The following EPHA6 variants were observed in gnomAD, a reference collection of about 807,000 sequenced individuals.
EPHA6 encodes the protein EPH receptor A6.
In EPHA6, 50 loss-of-function variants were observed where a neutral mutation model predicts 112.0. That is an observed-to-expected ratio of 0.45 (90% CI 0.36 to 0.56). EPHA6 has a LOEUF of 0.56. Among genes scored for constraint, EPHA6 ranks in the 20% least tolerant of loss-of-function variants. EPHA6 has a pLI of 0.00. For synonymous variants in EPHA6, 529 were observed against 490.7 expected, an observed-to-expected ratio of 1.08 and a Z score of -1.03; for missense variants, 1,280 against 1,417.4, an observed-to-expected ratio of 0.90 and a Z score of 1.56.
At chr3:97,448,479 A>C in intron 6 of EPHA6, 89 bp from the exon 7 acceptor site, 1 of 1,377,134 alleles carries the variant, frequency 7.3e-7, no homozygotes, top group South Asian at 1.2e-5. Flanking sequence ...TATTCAGAGC[A>C]TAATTTCTCA....
At chr3:96,917,174 A>G (rs1302338856) in intron 2 of EPHA6, among the ~76,000 whole-genome samples, 1 of 152,052 alleles carries the variant, frequency 6.6e-6, no homozygotes, top group Non-Finnish European at 1.5e-5. Flanking sequence ...TAATCCCAGC[A>G]CTTTGAGAGG....
In EPHA6 at chr3:97,434,378, TA is replaced by T. The variant is rs547441248; in HGVS notation, c.1732-14182del. On this transcript the variant is annotated intron_variant, in intron 6 of 17. Transcript: ENST00000389672. The stretch of plus-strand genomic sequence containing the variant: ...GTAAGCAGTATGAAAGTGTTCATAT[TA>T]AAAAAAAGTTAACTGCAGTATGTCC... Among the ~76,000 whole-genome samples, 90 of 152,090 alleles carry T rather than the reference TA, an allele frequency of 5.9e-4. No homozygotes were observed. The South Asian group carries it at 8.3e-3, about 14-fold the overall frequency.
intron 3 of EPHA6, among the ~76,000 whole-genome samples, chr3:97,118,748 T>G (rs2047962744): frequency 6.6e-6 from 1 of 151,970 alleles, no homozygotes; most frequent in Non-Finnish European, 1.5e-5. Context: ...AATATTCAAT[T>G]TTTGCATCTG....
intron 10 of EPHA6, among the ~76,000 whole-genome samples, chr3:97,498,527 C>A (rs1396581214): frequency 6.6e-6 from 1 of 151,974 alleles, no homozygotes; most frequent in Non-Finnish European, 1.5e-5. Context: ...ATTTTTAAAA[C>A]AGTAAATTTG....
At chr3:97,153,087 A>G (rs753006416) in intron 3 of EPHA6, among the ~76,000 whole-genome samples, 16 of 152,218 alleles carry the variant, frequency 1.1e-4, no homozygotes, top group Middle Eastern at 6.8e-3. Flanking sequence ...TCCAGCATAC[A>G]AAAAGAAAGA....
chr3:96,964,373 T>A (rs2042048766), intron 2 of EPHA6, among the ~76,000 whole-genome samples: 1 of 152,212 alleles, frequency 6.6e-6, no homozygotes, highest in East Asian at 1.9e-4. Context: ...TAATACTATT[T>A]CCTACTCACA....
intron 17 of EPHA6, among the ~76,000 whole-genome samples, chr3:97,748,337 T>C (rs1440128053): frequency 6.6e-6 from 1 of 152,102 alleles, no homozygotes; most frequent in African/African-American, 2.4e-5. Context: ...AGATTAACTT[T>C]ATGTATTCTG....
In EPHA6 at chr3:96,849,139, A is replaced by G. The variant is rs182322297; in HGVS notation, c.386-17686A>G. On this transcript the variant is annotated intron_variant, in intron 1 of 17. Coordinates refer to ENST00000389672, the MANE Select transcript of EPHA6 (RefSeq NM_001080448.3). ...TTAATTTAGAAATTGCTGACCAAAT[A>G]AAAATGTCCATAGCCTTTTGTCATA... is the stretch of plus-strand genomic sequence containing the variant. Among the ~76,000 whole-genome samples the G allele has an allele frequency of 5.9e-3, 900 of 152,256 alleles. 7 individuals carry two copies. The highest frequency in any genetic ancestry group is 0.01 in the Middle Eastern group (3 of 294).
chr3:97,641,203 G>C (rs1348627866), intron 14 of EPHA6, among the ~76,000 whole-genome samples: 1 of 152,180 alleles, frequency 6.6e-6, no homozygotes, highest in Non-Finnish European at 1.5e-5. Context: ...CAGATATTCT[G>C]TCTCAAAGGC....
At chr3:96,957,314 A>G (rs2041801317) in intron 2 of EPHA6, among the ~76,000 whole-genome samples, 3 of 152,350 alleles carry the variant, frequency 2.0e-5, no homozygotes, top group African/African-American at 4.8e-5. Flanking sequence ...ACAGTGTTGC[A>G]TGGCTAAAGA....
At chr3:97,747,662 T>C in intron 17 of EPHA6, 90 bp downstream of exon 17, 1 of 1,180,950 alleles carries the variant, frequency 8.5e-7, no homozygotes. Context: ...TTCCTTAGGC[T>C]AGTGGGTAAT....
intron 12 of EPHA6, among the ~76,000 whole-genome samples, chr3:97,594,794 A>G (rs1387771652): frequency 1.3e-5 from 2 of 152,222 alleles, no homozygotes; most frequent in African/African-American, 4.8e-5. Context: ...ATTTGAGGGC[A>G]GCAAGTGTTT....
chr3:97,024,909 AC>A (rs2044585565), intron 3 of EPHA6, among the ~76,000 whole-genome samples: 3 of 152,194 alleles, frequency 2.0e-5, no homozygotes, highest in African/African-American at 4.8e-5. Context: ...GTTTCCAAAA[AC>A]CTGAAAAATT....
intron 3 of EPHA6, among the ~76,000 whole-genome samples, chr3:97,194,387 T>A (rs1267092746): frequency 1.3e-5 from 2 of 151,860 alleles, no homozygotes; most frequent in South Asian, 2.1e-4. Flanking sequence ...CTAATGTTCC[T>A]CTGGTTGTTG....
intron 2 of EPHA6, among the ~76,000 whole-genome samples, chr3:96,881,006 C>G (rs1202635211): frequency 2.6e-5 from 4 of 151,992 alleles, no homozygotes; most frequent in African/African-American, 9.7e-5. Context: ...TATTTGAGTT[C>G]CTGCTTTCAG....
rs553695416 is a variant in EPHA6, at chr3:97,088,230, T to TA, written c.1114+100240dup. On this transcript the variant is annotated intron_variant, in intron 3 of 17. Transcript: ENST00000389672. ...ATTGAAGAAACATGTTAAGGGGGGT[T>TA]AAATCACTTGTTAAAGATACAGTAT... Among the ~76,000 whole-genome samples, 35 of 152,158 alleles carry TA rather than the reference T, an allele frequency of 2.3e-4. No individual in the cohort carries two copies. The South Asian group carries it at 6.8e-3, about 30-fold the overall frequency.
chr3:97,675,484 TAA>T (rs1191860512), intron 14 of EPHA6, among the ~76,000 whole-genome samples: 2 of 151,824 alleles, frequency 1.3e-5, no homozygotes, highest in Non-Finnish European at 2.9e-5. Context: ...CACCTTAATA[TAA>T]AAAAGTAAAT....
chr3:96,938,982 T>C, intron 2 of EPHA6, among the ~76,000 whole-genome samples: 1 of 152,188 alleles, frequency 6.6e-6, no homozygotes, highest in African/African-American at 2.4e-5. Context: ...GATAAGCTTT[T>C]TGATGTGCTG....
intron 3 of EPHA6, among the ~76,000 whole-genome samples, chr3:97,169,370 G>A (rs2076629060): frequency 6.6e-6 from 1 of 152,100 alleles, no homozygotes; most frequent in Admixed American, 6.6e-5. Context: ...TGTTCAATCT[G>A]GAATACACAT....
Sources: gnomAD v4.1 joint callset for allele counts (sites outside exome capture counted in the v4.1 genomes callset) on GRCh38, gnomAD v4.1.1 for gene constraint, MANE v1.5 for transcripts, NCBI Gene and HGNC (gene_info 2026-07-23, HGNC 2026-07-21) for gene names.